FAM3C: variants seen among roughly 807,000 people sequenced by gnomAD.
The protein encoded by FAM3C is protein FAM3C.
Under a neutral mutation model 32.5 loss-of-function variants are expected in FAM3C, and 15 were observed. The ratio of observed to expected loss-of-function variants is 0.46; its 90% CI spans 0.31 to 0.71. The LOEUF (loss-of-function observed/expected upper bound fraction) is 0.71, where lower values mean the gene tolerates loss of function less well. FAM3C is among the 30% of genes least tolerant of loss of function. The probability of loss-of-function intolerance (pLI) is 0.05; values close to 1 mark genes in which losing one functional copy is unlikely to be tolerated. For missense variants in FAM3C, 175 were observed against 274.4 expected, an observed-to-expected ratio of 0.64 and a Z score of 2.56; for synonymous variants, 75 against 86.1, an observed-to-expected ratio of 0.87 and a Z score of 0.72.
chr7:121,393,858 G>C (rs764814538), intron 1 of FAM3C, among the ~76,000 whole-genome samples: 6 of 151,426 alleles, frequency 4.0e-5, no homozygotes, highest in Non-Finnish European at 7.3e-5. Flanking sequence ...ACTAAATACA[G>C]AATCAATGCT....
At chr7:121,376,953 G>C (rs1046475496) in intron 3 of FAM3C, among the ~76,000 whole-genome samples, 2 of 152,068 alleles carry the variant, frequency 1.3e-5, no homozygotes, top group Non-Finnish European at 1.5e-5. Flanking sequence ...AGAAACACTG[G>C]AATAACAGTC....
chr7:121,392,407 C>G (rs1584712477), intron 1 of FAM3C, among the ~76,000 whole-genome samples: 1 of 152,070 alleles, frequency 6.6e-6, no homozygotes, highest in African/African-American at 2.4e-5. Context: ...GCAGGAAAAA[C>G]TTCCATTTGT....
intron 1 of FAM3C, among the ~76,000 whole-genome samples, chr7:121,388,668 T>C (rs1465435849): frequency 1.3e-5 from 2 of 152,170 alleles, no homozygotes; most frequent in Non-Finnish European, 2.9e-5. Context: ...GCCTAGATTT[T>C]TGACAGTTTT....
At chr7:121,366,749 C>A (rs2952563) in intron 5 of FAM3C, among the ~76,000 whole-genome samples, 13,721 of 152,130 alleles carry the variant, frequency 0.09, 2,113 homozygotes, top group African/African-American at 0.31. Context: ...GGAGCATATA[C>A]ATTTAAAAGG....
At chr7:121,391,052 T>C (rs1437150660) in intron 1 of FAM3C, among the ~76,000 whole-genome samples, 1 of 152,050 alleles carries the variant, frequency 6.6e-6, no homozygotes, top group Non-Finnish European at 1.5e-5. Flanking sequence ...TTTGCAGGGG[T>C]TAAACCAGAG....
chr7:121,370,185 G>C (rs1449987986), intron 5 of FAM3C, among the ~76,000 whole-genome samples: 1 of 152,128 alleles, frequency 6.6e-6, no homozygotes, highest in African/African-American at 2.4e-5. Context: ...ATTCTAATGA[G>C]AAATCAGAAG....
At chr7:121,368,972 G>GTTTTTTT (rs563834740) in intron 5 of FAM3C, among the ~76,000 whole-genome samples, 2 of 96,200 alleles carry the variant, frequency 2.1e-5, no homozygotes, top group African/African-American at 7.7e-5. Flanking sequence ...TGTTGTTGTT[G>GTTTTTTT]TTTTTTTTTT....
rs1292772805 is a variant in FAM3C, at chr7:121,395,312, TACATAC to T, written c.-42+844_-42+849del. ...GGATACATACATATATATGGATACATACATACATATATATATATGGATACATACACC... is the reference window on the plus strand; with the variant it reads ...GGATACATACATATATATGGATACATATATATATATATGGATACATACACC... On this transcript the variant is annotated intron_variant, in intron 1 of 9. Coordinates refer to ENST00000359943, the MANE Select transcript of FAM3C (RefSeq NM_014888.3). 2.4e-3 allele frequency among the ~76,000 whole-genome samples: 360 copies of T among 151,376 alleles called. 3 individuals carry two copies. The highest frequency in any genetic ancestry group is 8.2e-3 in the African/African-American group (337 of 41,084).
chr7:121,352,882 C>A (rs967050685), intron 8 of FAM3C, among the ~76,000 whole-genome samples: 12 of 152,308 alleles, frequency 7.9e-5, no homozygotes, highest in African/African-American at 2.9e-4. Flanking sequence ...TATTTTCTAA[C>A]TACCTTATGG....
At chr7:121,366,327 T>C (rs142771760) in intron 5 of FAM3C, among the ~76,000 whole-genome samples, 2 of 152,276 alleles carry the variant, frequency 1.3e-5, no homozygotes, top group African/African-American at 4.8e-5. Flanking sequence ...CAAAATGTGG[T>C]ATATCCATAC....
chr7:121,374,899 C>G (rs1794211747), intron 3 of FAM3C, among the ~76,000 whole-genome samples: 1 of 152,180 alleles, frequency 6.6e-6, no homozygotes, highest in African/African-American at 2.4e-5. Context: ...CCAACTAATA[C>G]AGCTTTATGT....
At chr7:121,390,188 C>A (rs1395001975) in intron 1 of FAM3C, among the ~76,000 whole-genome samples, 1 of 152,178 alleles carries the variant, frequency 6.6e-6, no homozygotes, top group Non-Finnish European at 1.5e-5. Flanking sequence ...GCACTTAATA[C>A]CCTATTTATT....
At chr7:121,350,962 A>G (rs1300595679) in intron 9 of FAM3C, among the ~76,000 whole-genome samples, 181 bp downstream of exon 9, 1 of 152,220 alleles carries the variant, frequency 6.6e-6, no homozygotes, top group Non-Finnish European at 1.5e-5. Flanking sequence ...AGAATTTTCA[A>G]GTTTTGAAAT....
chr7:121,393,542 C>T (rs78922737), intron 1 of FAM3C, among the ~76,000 whole-genome samples: 5,235 of 151,884 alleles, frequency 0.034, 325 homozygotes, highest in African/African-American at 0.12. Flanking sequence ...TCATGAATAG[C>T]GGATTTTCAA....
At chr7:121,360,551 G>T (rs1793898382) in intron 7 of FAM3C, among the ~76,000 whole-genome samples, 1 of 152,150 alleles carries the variant, frequency 6.6e-6, no homozygotes, top group Non-Finnish European at 1.5e-5. Flanking sequence ...AAATTGTATG[G>T]GCTGAGCACA....
chr7:121,362,274 T>G (rs2536166), intron 7 of FAM3C, among the ~76,000 whole-genome samples: 4 of 152,024 alleles, frequency 2.6e-5, no homozygotes, highest in Non-Finnish European at 5.9e-5. Flanking sequence ...CCACTCCTTG[T>G]GGGACTTCCA....
chr7:121,350,488 T>G lies in FAM3C; in HGVS notation c.657A>C (p.Glu219Asp). The G allele has an allele frequency of 6.2e-7, 1 of 1,612,244 alleles. No homozygotes were observed. Among genetic ancestry groups the G allele is most frequent in the Non-Finnish European group, 8.5e-7 (1 of 1,179,316 alleles). Reference protein sequence around the residue: ...YEGWPEVVEMEGCIPQKQD With the variant: ...YEGWPEVVEMDGCIPQKQD ...AGTCTTGCTTCTGGGGGATGCATCCTTCCATTTCTACAACTTCAGGCCATC... is the reference window on the plus strand; with the variant it reads ...AGTCTTGCTTCTGGGGGATGCATCCGTCCATTTCTACAACTTCAGGCCATC... The change falls in exon 10 of 10, where the codon GAA becomes GAC. Residue 219 changes from glutamate to aspartate, a missense_variant. Physicochemically the swap from Glu to Asp is conservative, Grantham distance 45. Coordinates refer to ENST00000359943, the MANE Select transcript of FAM3C (RefSeq NM_014888.3).
intron 3 of FAM3C, among the ~76,000 whole-genome samples, chr7:121,373,078 C>G (rs1266508407): frequency 2.0e-5 from 3 of 152,092 alleles, no homozygotes; most frequent in Non-Finnish European, 4.4e-5. Flanking sequence ...ATTGAAAAAG[C>G]TTAATGCCCA....
chr7:121,351,080 A>G lies in FAM3C; in HGVS notation c.594+63T>C. Reference sequence around the variant, plus strand: ...CTAATTTTCAAATAGCTGGGATGGGAAAATGTACCGTAAGGTTTCACAGAA... The same window carrying G: ...CTAATTTTCAAATAGCTGGGATGGGGAAATGTACCGTAAGGTTTCACAGAA... On this transcript the variant is annotated intron_variant, in intron 9 of 9. Transcript: ENST00000359943. 2.7e-6 allele frequency: 4 copies of G among 1,467,796 alleles called. No homozygotes were observed. In the South Asian group the frequency reaches 5.3e-5, roughly 19 times the overall value. 90.9% of individuals were successfully genotyped at this position (1,467,796 alleles called of 1,614,324 possible). A position where few individuals can be genotyped will look rare whatever the true frequency, so the allele number is the denominator to read the frequency against.
Sources: allele counts gnomAD v4.1 joint callset (sites outside exome capture counted in the v4.1 genomes callset), GRCh38; gene constraint gnomAD v4.1.1; transcripts MANE v1.5; gene names NCBI Gene and HGNC (gene_info 2026-07-23, HGNC 2026-07-21).